The following CTNNA1 variants were observed in gnomAD, a reference collection of about 807,000 sequenced individuals.
The protein encoded by CTNNA1 is catenin alpha-1.
CTNNA1 carries 37 observed loss-of-function variants against 98.4 expected under a neutral mutation model. The ratio of observed to expected loss-of-function variants is 0.38; its 90% CI spans 0.29 to 0.49. The LOEUF (loss-of-function observed/expected upper bound fraction) is 0.49, where lower values mean the gene tolerates loss of function less well. CTNNA1 is among the 20% of genes least tolerant of loss of function. CTNNA1 has a pLI of 0.95. For synonymous variants in CTNNA1, 404 were observed against 413.2 expected (o/e 0.98, Z 0.27); for missense variants, 761 against 1,147.2 (o/e 0.66, Z 4.86).
chr5:138,933,065 T>TG, intron 17 of CTNNA1: 1 of 712,436 alleles, frequency 1.4e-6, no homozygotes, highest in Non-Finnish European at 2.6e-6. Context: ...GCCTGGGAGA[T>TG]GGAGGTTGCA....
At chr5:138,854,707 T>C (rs1353251583) in intron 7 of CTNNA1, among the ~76,000 whole-genome samples, 2 of 152,250 alleles carry the variant, frequency 1.3e-5, no homozygotes, top group Admixed American at 1.3e-4. Flanking sequence ...CAGTTCCTTC[T>C]TTGGATAATT....
chr5:138,776,843 C>G (rs1411086497), intron 1 of CTNNA1, among the ~76,000 whole-genome samples: 1 of 71,024 alleles, frequency 1.4e-5, no homozygotes, highest in African/African-American at 5.2e-5. Flanking sequence ...GCTGGCCGGG[C>G]GGGGGGGCTG....
intron 8 of CTNNA1, among the ~76,000 whole-genome samples, chr5:138,887,130 TATATATA>T (rs940795894): frequency 6.6e-6 from 1 of 152,034 alleles, no homozygotes; most frequent in African/African-American, 2.4e-5. Flanking sequence ...TTAGGCTAAT[TATATATA>T]TATTCCAAGG....
chr5:138,932,765 C>G (rs1032311542), intron 17 of CTNNA1, 53 bp downstream of exon 17: 29 of 1,606,218 alleles, frequency 1.8e-5, no homozygotes, highest in Admixed American at 1.0e-4. Context: ...TGACCCTTGT[C>G]AGAAATGAAA....
At chr5:138,927,218 T>C (rs1379329434) in intron 13 of CTNNA1, among the ~76,000 whole-genome samples, 1 of 152,234 alleles carries the variant, frequency 6.6e-6, no homozygotes, top group Non-Finnish European at 1.5e-5. Context: ...AATCAGATCA[T>C]GTTATCCTCT....
chr5:138,774,064 G>C (rs1012646988), intron 1 of CTNNA1, among the ~76,000 whole-genome samples: 9 of 152,120 alleles, frequency 5.9e-5, no homozygotes, highest in African/African-American at 2.2e-4. Context: ...TGTATTTTTA[G>C]TAGAGACAGG....
rs1762959236 is a variant in CTNNA1 at position 138,848,941 on chromosome 5, C to T, written c.1062+21223C>T. Reference sequence around the variant, plus strand: ...GTTTCACCATGTTGGTCAGACTGGTCTCGAACTCCTGACCTCATGATATGC... The same window carrying T: ...GTTTCACCATGTTGGTCAGACTGGTTTCGAACTCCTGACCTCATGATATGC... On this transcript the variant is annotated intron_variant, in intron 7 of 17. Coordinates refer to ENST00000302763, the MANE Select transcript of CTNNA1 (RefSeq NM_001903.5). Among the ~76,000 whole-genome samples the T allele has an allele frequency of 2.0e-5, 3 of 152,292 alleles. No homozygotes were observed. In the South Asian group the frequency reaches 6.2e-4, roughly 32 times the overall value.
At chr5:138,824,498 G>A (rs1189041019) in intron 5 of CTNNA1, 32 bp from the exon 6 acceptor site, 7 of 1,604,968 alleles carry the variant, frequency 4.4e-6, no homozygotes, top group South Asian at 1.1e-5. Context: ...TATAAAGAGT[G>A]CTCCAATTTC....
At chr5:138,783,804 A>T (rs368526089) in intron 3 of CTNNA1, among the ~76,000 whole-genome samples, 1 of 152,204 alleles carries the variant, frequency 6.6e-6, no homozygotes, top group South Asian at 2.1e-4. Flanking sequence ...GATAAAATGG[A>T]AAAATATCTA....
At chr5:138,822,807 C>CA (rs1160274470) in intron 5 of CTNNA1, among the ~76,000 whole-genome samples, 1 of 152,110 alleles carries the variant, frequency 6.6e-6, no homozygotes, top group Non-Finnish European at 1.5e-5. Flanking sequence ...AGTAAGCTGT[C>CA]ATGTTATACA....
At position 138,812,164 on chromosome 5, in the gene CTNNA1, G is replaced by C. The variant is rs749020625; in HGVS notation, c.469-19G>C. ...TACATTCAGAATTTTTGGGTTTTGGGGTCTTTCTTATTTTATAGGTGGAAG... is the reference window on the plus strand; with the variant it reads ...TACATTCAGAATTTTTGGGTTTTGGCGTCTTTCTTATTTTATAGGTGGAAG... On this transcript the variant is annotated intron_variant, in intron 4 of 17. Transcript: ENST00000302763. 1 of 1,606,768 alleles carries C rather than the reference G, an allele frequency of 6.2e-7. No individual in the cohort carries two copies. Among genetic ancestry groups the C allele is most frequent in the Middle Eastern group, 1.7e-4 (1 of 6,004 alleles).
At chr5:138,849,713 A>C (rs974072435) in intron 7 of CTNNA1, among the ~76,000 whole-genome samples, 3 of 152,214 alleles carry the variant, frequency 2.0e-5, no homozygotes, top group African/African-American at 7.2e-5. Flanking sequence ...AAAACTAAAG[A>C]GTAATAGGAG....
intron 7 of CTNNA1, among the ~76,000 whole-genome samples, chr5:138,866,935 C>G (rs546580429): frequency 6.6e-6 from 1 of 152,032 alleles, no homozygotes; most frequent in Admixed American, 6.6e-5. Context: ...ACATGACTAC[C>G]CCAAATTTTT....
intron 7 of CTNNA1, among the ~76,000 whole-genome samples, chr5:138,842,020 C>T (rs1048301924): frequency 9.2e-5 from 14 of 152,132 alleles, no homozygotes; most frequent in African/African-American, 3.4e-4. Flanking sequence ...TTTTGGCTTG[C>T]CCTTGCTCTT....
In CTNNA1 at chr5:138,761,510, C is replaced by T. The variant is rs1402403672; in HGVS notation, c.-3+8000C>T. Among the ~76,000 whole-genome samples, 4 of 152,178 alleles carry T rather than the reference C, an allele frequency of 2.6e-5. No individual in the cohort carries two copies. The East Asian group carries it at 7.7e-4, about 29-fold the overall frequency. The stretch of plus-strand genomic sequence containing the variant: ...CCTCCTAAAGTGCTGGGATTGCGGG[C>T]TTTAGCCACTCACCTGGCCCACACA... On this transcript the variant is annotated intron_variant, in intron 1 of 17. Transcript: ENST00000302763.
At chr5:138,816,236 G>C (rs1258879076) in intron 5 of CTNNA1, among the ~76,000 whole-genome samples, 3 of 152,092 alleles carry the variant, frequency 2.0e-5, no homozygotes, top group African/African-American at 7.2e-5. Context: ...TTTTTAAATG[G>C]CTAAATAGTA....
At chr5:138,842,074 C>T (rs900608436) in intron 7 of CTNNA1, among the ~76,000 whole-genome samples, 15 of 152,212 alleles carry the variant, frequency 9.9e-5, no homozygotes, top group African/African-American at 3.6e-4. Context: ...TATAAAATGA[C>T]CTGAGATATT....
chr5:138,784,320 G>A (rs1056694166), intron 3 of CTNNA1, among the ~76,000 whole-genome samples: 1 of 152,182 alleles, frequency 6.6e-6, no homozygotes, highest in Admixed American at 6.5e-5. Flanking sequence ...CTATTTACAG[G>A]TGCTTTACTA....
chr5:138,866,255 G>A (rs1406459386), intron 7 of CTNNA1, among the ~76,000 whole-genome samples: 2 of 151,042 alleles, frequency 1.3e-5, no homozygotes, highest in Non-Finnish European at 2.9e-5. Context: ...AAAGCAACCT[G>A]TAGATTCTGT....
Sources: gnomAD v4.1 joint callset for allele counts (sites outside exome capture counted in the v4.1 genomes callset) on GRCh38, gnomAD v4.1.1 for gene constraint, MANE v1.5 for transcripts, NCBI Gene and HGNC (gene_info 2026-07-23, HGNC 2026-07-21) for gene names.